CALN1: variants seen among roughly 807,000 people sequenced by gnomAD.
CALN1 encodes the protein calcium-binding protein 8.
CALN1 carries 17 observed loss-of-function variants against 30.6 expected under a neutral mutation model. The observed-to-expected ratio is 0.56, with a 90% CI of 0.38 to 0.83. The LOEUF is 0.83. Among genes scored for constraint, CALN1 ranks in the 40% least tolerant of loss-of-function variants. The probability of loss-of-function intolerance (pLI) is 0.00; values close to 1 mark genes in which losing one functional copy is unlikely to be tolerated. For missense variants in CALN1, 291 were observed against 354.9 expected, an observed-to-expected ratio of 0.82 and a Z score of 1.45; for synonymous variants, 156 against 131.4, an observed-to-expected ratio of 1.19 and a Z score of -1.28.
intron 1 of CALN1, among the ~76,000 whole-genome samples, chr7:72,435,590 G>C (rs549074135): frequency 2.6e-5 from 4 of 152,172 alleles, no homozygotes; most frequent in African/African-American, 9.7e-5. Flanking sequence ...AGCAGCCAGC[G>C]CGGAGAGGCC....
At chr7:71,917,922 C>T (rs1271704507) in intron 5 of CALN1, among the ~76,000 whole-genome samples, 2 of 152,172 alleles carry the variant, frequency 1.3e-5, no homozygotes, top group Non-Finnish European at 2.9e-5. Context: ...AACTATGTCT[C>T]AGTGAAACTG....
chr7:72,022,179 C>A (rs996945999), intron 5 of CALN1, among the ~76,000 whole-genome samples: 1 of 152,200 alleles, frequency 6.6e-6, no homozygotes, highest in Non-Finnish European at 1.5e-5. Flanking sequence ...AAATTCTTTT[C>A]TGACCCTTCA....
At chr7:71,930,752 G>A (rs1795508639) in intron 5 of CALN1, among the ~76,000 whole-genome samples, 1 of 152,200 alleles carries the variant, frequency 6.6e-6, no homozygotes, top group Admixed American at 6.5e-5. Context: ...TCGCGTGTGT[G>A]TATTCTGGTG....
chr7:72,391,134 AT>A (rs1014540580), intron 2 of CALN1, among the ~76,000 whole-genome samples: 1 of 152,076 alleles, frequency 6.6e-6, no homozygotes. Flanking sequence ...AGTAAAACAA[AT>A]TTCACCCTCC....
At chr7:71,814,009 C>A (rs1031325129) in intron 5 of CALN1, among the ~76,000 whole-genome samples, 19 of 151,776 alleles carry the variant, frequency 1.3e-4, no homozygotes, top group Non-Finnish European at 2.4e-4. Context: ...TACACGGGTC[C>A]CAGGAAGGGT....
intron 5 of CALN1, among the ~76,000 whole-genome samples, chr7:71,904,512 G>A (rs1278480545): frequency 6.6e-6 from 1 of 152,150 alleles, no homozygotes; most frequent in Non-Finnish European, 1.5e-5. Flanking sequence ...TAGAAGTTGA[G>A]AATAGAATGG....
At chr7:72,461,421 G>A in the CALN1 span, among the ~76,000 whole-genome samples, 1 of 152,282 alleles carries the variant, frequency 6.6e-6, no homozygotes, top group Non-Finnish European at 1.5e-5. Context: ...CCCATCAGTG[G>A]TGAATTGGAT....
chr7:72,298,115 C>G (rs1001854936), intron 2 of CALN1, among the ~76,000 whole-genome samples: 1 of 152,128 alleles, frequency 6.6e-6, no homozygotes, highest in Non-Finnish European at 1.5e-5. Context: ...CTTTGAGAAG[C>G]GGTGATTTCC....
intron 2 of CALN1, among the ~76,000 whole-genome samples, chr7:72,397,809 G>C (rs117288305): frequency 0.013 from 1,906 of 150,652 alleles, 25 homozygotes; most frequent in Non-Finnish European, 0.017. Context: ...ACTTACTTTA[G>C]AAAAGCTTTT....
intron 5 of CALN1, among the ~76,000 whole-genome samples, chr7:71,989,833 C>A (rs1036281240): frequency 1.3e-5 from 2 of 151,928 alleles, no homozygotes; most frequent in African/African-American, 4.8e-5. Context: ...TCCAGGCACA[C>A]TATGGAACAG....
At chr7:72,252,195 T>C (rs1000850675) in intron 3 of CALN1, among the ~76,000 whole-genome samples, 1 of 152,160 alleles carries the variant, frequency 6.6e-6, no homozygotes, top group African/African-American at 2.4e-5. Context: ...ATTCTTCTAG[T>C]TGATTGAGCC....
intron 4 of CALN1, among the ~76,000 whole-genome samples, chr7:72,030,794 T>A (rs1801389766): frequency 6.6e-6 from 1 of 151,996 alleles, no homozygotes. Context: ...TCACCTAGGC[T>A]GGAGTGCAGT....
intron 5 of CALN1, among the ~76,000 whole-genome samples, chr7:71,981,988 T>C (rs1584673065): frequency 6.6e-6 from 1 of 152,308 alleles, no homozygotes; most frequent in East Asian, 1.9e-4. Flanking sequence ...TCCCAGCTCA[T>C]CCCAGCCAGG....
chr7:72,033,322 T>C (rs1801576540), intron 4 of CALN1, among the ~76,000 whole-genome samples: 1 of 152,110 alleles, frequency 6.6e-6, no homozygotes, highest in African/African-American at 2.4e-5. Flanking sequence ...GAGAGGAATA[T>C]ACAGGAAAAG....
At chr7:72,348,773 G>A (rs560516275) in intron 2 of CALN1, among the ~76,000 whole-genome samples, 3 of 152,312 alleles carry the variant, frequency 2.0e-5, no homozygotes, top group African/African-American at 7.2e-5. Context: ...CAAAGCTTAA[G>A]AGCAAACATC....
intron 4 of CALN1, among the ~76,000 whole-genome samples, chr7:72,050,173 A>C (rs573912183): frequency 2.4e-4 from 36 of 152,262 alleles, no homozygotes; most frequent in African/African-American, 8.2e-4. Flanking sequence ...GGAGGTTCAG[A>C]TATTAGGTGA....
chr7:72,383,293 G>A (rs78177325), intron 2 of CALN1, among the ~76,000 whole-genome samples: 4,639 of 152,276 alleles, frequency 0.03, 252 homozygotes, highest in African/African-American at 0.1. Context: ...ATGAGGCTGC[G>A]GGGTGAAAGG....
At chr7:71,824,887 T>TC (rs1562813472) in intron 5 of CALN1, among the ~76,000 whole-genome samples, 1 of 152,050 alleles carries the variant, frequency 6.6e-6, no homozygotes, top group Non-Finnish European at 1.5e-5. Context: ...CCTGATGGGG[T>TC]CTTGAACAGC....
At chr7:72,041,509 A>G (rs1205113623) in intron 4 of CALN1, among the ~76,000 whole-genome samples, 1 of 151,872 alleles carries the variant, frequency 6.6e-6, no homozygotes, top group African/African-American at 2.4e-5. Flanking sequence ...TCAGCCTCCC[A>G]AGTAGCTGGG....
Sources: allele counts gnomAD v4.1 joint callset (sites outside exome capture counted in the v4.1 genomes callset), GRCh38; gene constraint gnomAD v4.1.1; transcripts MANE v1.5; gene names NCBI Gene and HGNC (gene_info 2026-07-23, HGNC 2026-07-21).